The following JAZF1 variants were observed in gnomAD, a reference collection of about 807,000 sequenced individuals.
The protein encoded by JAZF1 is juxtaposed with another zinc finger protein 1.
In JAZF1, 8 loss-of-function variants were observed where a neutral mutation model predicts 26.4. That is an observed-to-expected ratio of 0.30 (90% CI 0.18 to 0.55). The LOEUF (loss-of-function observed/expected upper bound fraction) is 0.55, where lower values mean the gene tolerates loss of function less well. JAZF1 is among the 20% of genes least tolerant of loss of function. The pLI is 0.94. For synonymous variants in JAZF1, 126 were observed against 122.3 expected (o/e 1.03, Z -0.20); for missense variants, 199 against 322.0 (o/e 0.62, Z 2.92).
At chr7:27,920,096 A>T (rs894475952) in intron 2 of JAZF1, among the ~76,000 whole-genome samples, 1 of 152,186 alleles carries the variant, frequency 6.6e-6, no homozygotes, top group African/African-American at 2.4e-5. Context: ...CATTATTGTA[A>T]GGTACATCCA....
At chr7:28,132,447 T>C (rs2189966) in intron 1 of JAZF1, among the ~76,000 whole-genome samples, 62,331 of 152,092 alleles carry the variant, frequency 0.41, 17,137 homozygotes, top group East Asian at 0.97. Flanking sequence ...CAGGGCTGCC[T>C]GCAAAGATTT....
chr7:27,867,390 G>A (rs2128337208), intron 3 of JAZF1, among the ~76,000 whole-genome samples: 1 of 152,300 alleles, frequency 6.6e-6, no homozygotes, highest in Middle Eastern at 3.4e-3. Flanking sequence ...GTCACTGAAA[G>A]TTCACGCAAA....
chr7:28,072,915 T>G (rs991209104), intron 1 of JAZF1, among the ~76,000 whole-genome samples: 2 of 152,194 alleles, frequency 1.3e-5, no homozygotes, highest in South Asian at 4.1e-4. Context: ...TGACATTATG[T>G]GAATAACCAA....
chr7:27,831,111 G>A lies in JAZF1; in HGVS notation c.*1689C>T. 4.5e-6 allele frequency: 1 copy of A among 223,650 alleles called. No homozygotes were observed. The highest frequency in any genetic ancestry group is 6.5e-5 in the East Asian group (1 of 15,324). 13.9% of individuals were successfully genotyped at this position (223,650 alleles called of 1,614,324 possible). A position where few individuals can be genotyped will look rare whatever the true frequency, so the allele number is the denominator to read the frequency against. On this transcript the variant is annotated 3_prime_UTR_variant, in exon 5 of 5. Coordinates refer to ENST00000283928, the MANE Select transcript of JAZF1 (RefSeq NM_175061.4). ...ACCCTTTTAAACATAGGATAACACT[G>A]TATATTCAGGACCAAGACCATACTT...
At chr7:27,854,007 G>C (rs28792499) in intron 3 of JAZF1, among the ~76,000 whole-genome samples, 2,316 of 152,242 alleles carry the variant, frequency 0.015, 66 homozygotes, top group African/African-American at 0.051. Context: ...GGGAGTCTAA[G>C]ACTCTTTGTA....
At chr7:28,072,447 T>C (rs544514860) in intron 1 of JAZF1, among the ~76,000 whole-genome samples, 1 of 152,262 alleles carries the variant, frequency 6.6e-6, no homozygotes, top group South Asian at 2.1e-4. Context: ...CTTATGGATA[T>C]GGCTATATGC....
intron 1 of JAZF1, among the ~76,000 whole-genome samples, chr7:27,996,690 C>T (rs1309620040): frequency 6.6e-6 from 1 of 152,228 alleles, no homozygotes; most frequent in African/African-American, 2.4e-5. Context: ...CTCTTCCTCA[C>T]TCTGCACCAC....
At chr7:28,154,478 T>C (rs546748605) in intron 1 of JAZF1, among the ~76,000 whole-genome samples, 1 of 152,186 alleles carries the variant, frequency 6.6e-6, no homozygotes, top group Admixed American at 6.5e-5. Context: ...TAGTCTGATG[T>C]TCTGGAGTGA....
intron 3 of JAZF1, chr7:27,842,807 T>C (rs1782946600): frequency 6.6e-6 from 1 of 152,340 alleles, no homozygotes; most frequent in South Asian, 2.1e-4. Flanking sequence ...CCAGCGGGAC[T>C]TCAGAAAGTT....
rs149294382 is a variant in JAZF1 at position 27,922,884 on chromosome 7, C to T, written c.189-27468G>A. Among the ~76,000 whole-genome samples the T allele has an allele frequency of 7.2e-4, 109 of 152,270 alleles. No homozygotes were observed. The East Asian group carries it at 0.02, about 27-fold the overall frequency. ...GCAGTAAAACATTATGATCAACATTCGCCTAGAAGCCAGGATAAGTGGAAG... is the reference window on the plus strand; with the variant it reads ...GCAGTAAAACATTATGATCAACATTTGCCTAGAAGCCAGGATAAGTGGAAG... On this transcript the variant is annotated intron_variant, in intron 2 of 4. Transcript: ENST00000283928.
At chr7:28,062,522 C>T (rs1783816660) in intron 1 of JAZF1, among the ~76,000 whole-genome samples, 1 of 150,562 alleles carries the variant, frequency 6.6e-6, no homozygotes, top group African/African-American at 2.5e-5. Context: ...CACACAGACC[C>T]TGCATGCTGC....
chr7:28,017,496 C>A (rs1164088576), intron 1 of JAZF1, among the ~76,000 whole-genome samples: 1 of 152,072 alleles, frequency 6.6e-6, no homozygotes. Flanking sequence ...TCAACCAATT[C>A]TGTTGAACAA....
chr7:27,949,178 TG>T (rs1784967999), intron 2 of JAZF1, among the ~76,000 whole-genome samples: 1 of 152,208 alleles, frequency 6.6e-6, no homozygotes, highest in South Asian at 2.1e-4. Context: ...ATCTGGATTT[TG>T]GGAGGCCAGG....
chr7:28,004,440 A>G (rs1782665508), intron 1 of JAZF1, among the ~76,000 whole-genome samples: 1 of 152,160 alleles, frequency 6.6e-6, no homozygotes, highest in Admixed American at 6.5e-5. Context: ...CCCATCCCCA[A>G]AGATTCTAAT....
At chr7:27,963,569 C>CCTT (rs1554278421) in intron 2 of JAZF1, among the ~76,000 whole-genome samples, 16 of 132,504 alleles carry the variant, frequency 1.2e-4, no homozygotes, top group African/African-American at 2.6e-4. Context: ...CCCCCCCCCC[C>CCTT]TTTTTTTTTG....
At chr7:27,983,384 A>G (rs1028237812) in intron 2 of JAZF1, among the ~76,000 whole-genome samples, 1 of 152,218 alleles carries the variant, frequency 6.6e-6, no homozygotes, top group African/African-American at 2.4e-5. Flanking sequence ...TGAAGTGAGA[A>G]GAGAAGTTTA....
intron 2 of JAZF1, among the ~76,000 whole-genome samples, chr7:27,896,268 C>G (rs966114315): frequency 2.6e-5 from 4 of 152,154 alleles, no homozygotes; most frequent in Non-Finnish European, 2.9e-5. Context: ...TATAATCTAC[C>G]ATTTTGTAAA....
At chr7:27,948,032 G>A (rs111274342) in intron 2 of JAZF1, among the ~76,000 whole-genome samples, 5 of 152,306 alleles carry the variant, frequency 3.3e-5, no homozygotes, top group African/African-American at 1.2e-4. Flanking sequence ...AGACGTGGGG[G>A]CAAAGGGGTG....
intron 1 of JAZF1, among the ~76,000 whole-genome samples, chr7:28,141,552 A>C (rs1441696040): frequency 6.6e-6 from 1 of 152,246 alleles, no homozygotes; most frequent in Non-Finnish European, 1.5e-5. Context: ...GATGTTTTCA[A>C]TAACACATGC....
Sources: gnomAD v4.1 joint callset for allele counts (sites outside exome capture counted in the v4.1 genomes callset) on GRCh38, gnomAD v4.1.1 for gene constraint, MANE v1.5 for transcripts, NCBI Gene and HGNC (gene_info 2026-07-23, HGNC 2026-07-21) for gene names.